TMEM59: variants seen among roughly 807,000 people sequenced by gnomAD.
TMEM59 encodes the protein transmembrane protein 59.
In TMEM59, 44 loss-of-function variants were observed where a neutral mutation model predicts 42.2. The observed-to-expected ratio is 1.04, with a 90% CI of 0.82 to 1.34. The LOEUF is 1.34. Among genes scored for constraint, TMEM59 ranks in the 40% most tolerant of loss-of-function variants. TMEM59 has a pLI of 0.00. For missense variants in TMEM59, 359 were observed against 382.8 expected, an observed-to-expected ratio of 0.94 and a Z score of 0.52; for synonymous variants, 148 against 145.8, an observed-to-expected ratio of 1.02 and a Z score of -0.11.
rs1656705730 is a variant in TMEM59 at position 54,029,703 on chromosome 1, G to A, written c.*2447C>T. 1 of 152,058 alleles carries A rather than the reference G, an allele frequency of 6.6e-6. No individual in the cohort carries two copies. The highest frequency in any genetic ancestry group is 1.5e-5 in the Non-Finnish European group (1 of 68,030). 9.4% of individuals were successfully genotyped at this position (152,058 alleles called of 1,614,324 possible). A position where few individuals can be genotyped will look rare whatever the true frequency, so the allele number is the denominator to read the frequency against. ...ATATTTCTTCTCAAAAGTAGATTCTGTGCTTCAGAATTTAATTACCACAAG... is the reference window on the plus strand; with the variant it reads ...ATATTTCTTCTCAAAAGTAGATTCTATGCTTCAGAATTTAATTACCACAAG... On this transcript the variant is annotated 3_prime_UTR_variant, in exon 8 of 8. Transcript: ENST00000234831.
chr1:54,034,173 AC>A (rs1656867970), intron 7 of TMEM59: 1 of 151,764 alleles, frequency 6.6e-6, no homozygotes, highest in Non-Finnish European at 1.5e-5. Flanking sequence ...AACATGATGA[AC>A]CTTGAAAATA....
At chr1:54,044,711 T>C (rs1404643149) in intron 3 of TMEM59, 1 of 151,980 alleles carries the variant, frequency 6.6e-6, no homozygotes, top group Non-Finnish European at 1.5e-5. Flanking sequence ...ATTCTACAGG[T>C]ATACTCACAA....
At position 54,047,287 on chromosome 1, in the gene TMEM59, G is replaced by T; in HGVS notation, c.275C>A (p.Thr92Asn). ...FVDDGIDLNR[T>N]KLECESACTE... ...CTTACCAGATTCACATTCCAATTTA[G>T]TTCGATTTAAGTCAATTCCATCATC... is the stretch of plus-strand genomic sequence containing the variant. The change falls in exon 2 of 8, where the codon ACT (threonine) becomes AAT (asparagine). Residue 92 changes from threonine to asparagine, a missense_variant. Coordinates refer to ENST00000234831, the MANE Select transcript of TMEM59 (RefSeq NM_004872.5). 6.2e-7 allele frequency: 1 copy of T among 1,613,588 alleles called. No homozygotes were observed. Among genetic ancestry groups the T allele is most frequent in the South Asian group, 1.1e-5 (1 of 91,034 alleles).
chr1:54,045,888 G>A lies in TMEM59; in HGVS notation c.296-102C>T, dbSNP rs973118435. ...TTAAAAAAATTTTTATACTTAAAAA[G>A]GTTTCATCAATGTGAATTTCCAAAT... On this transcript the variant is annotated intron_variant, in intron 2 of 7. Coordinates refer to ENST00000234831, the MANE Select transcript of TMEM59 (RefSeq NM_004872.5). The A allele has an allele frequency of 3.9e-6, 4 of 1,024,052 alleles. No individual in the cohort carries two copies. The African/African-American group carries it at 6.5e-5, about 17-fold the overall frequency. 63.4% of individuals were successfully genotyped at this position (1,024,052 alleles called of 1,614,324 possible). A position where few individuals can be genotyped will look rare whatever the true frequency, so the allele number is the denominator to read the frequency against.
intron 2 of TMEM59, among the ~76,000 whole-genome samples, chr1:54,046,693 A>G (rs1393396906): frequency 6.6e-6 from 1 of 152,256 alleles, no homozygotes; most frequent in Non-Finnish European, 1.5e-5. Flanking sequence ...TAAACAGTGT[A>G]ACGAGTGGAG....
At chr1:54,043,667 G>C in intron 3 of TMEM59, 142 bp from the exon 4 acceptor site, 1 of 468,210 alleles carries the variant, frequency 2.1e-6, no homozygotes, top group Non-Finnish European at 3.2e-6. Flanking sequence ...TAGCATTAGA[G>C]TAAACTCTTA....
chr1:54,041,397 C>A (rs1657132011), intron 5 of TMEM59, among the ~76,000 whole-genome samples: 2 of 152,188 alleles, frequency 1.3e-5, no homozygotes, highest in South Asian at 2.1e-4. Context: ...TCAAAACATC[C>A]TTTGAAGCAA....
intron 4 of TMEM59, 38 bp downstream of exon 4, chr1:54,043,335 G>T (rs1657206278): frequency 6.8e-7 from 1 of 1,463,034 alleles, no homozygotes; most frequent in East Asian, 2.5e-5. Context: ...ATTTACTGTT[G>T]TTAGTATTTA....
chr1:54,047,169 AAC>A (rs1166787050), intron 2 of TMEM59, 96 bp downstream of exon 2: 27 of 962,396 alleles, frequency 2.8e-5, no homozygotes, highest in Non-Finnish European at 3.7e-5. Context: ...GACTAGTTTC[AAC>A]AGTGTGTTTT....
chr1:54,035,382 T>A (rs1008439930), intron 7 of TMEM59, among the ~76,000 whole-genome samples: 1 of 152,242 alleles, frequency 6.6e-6, no homozygotes, highest in Non-Finnish European at 1.5e-5. Flanking sequence ...TTGGATTAGA[T>A]GTTGACAGCC....
At chr1:54,038,662 ACAG>A (rs1657035882) in intron 6 of TMEM59, among the ~76,000 whole-genome samples, 1 of 152,222 alleles carries the variant, frequency 6.6e-6, no homozygotes, top group African/African-American at 2.4e-5. Context: ...GTAAATAGTT[ACAG>A]CAGAATAGGA....
rs1182479612 is a variant in TMEM59, at chr1:54,027,407, T to C, written c.*4743A>G. On this transcript the variant is annotated 3_prime_UTR_variant, in exon 8 of 8. Coordinates refer to ENST00000234831, the MANE Select transcript of TMEM59 (RefSeq NM_004872.5). The stretch of plus-strand genomic sequence containing the variant: ...GGGTCCACAGGCTTCACTGGATCAC[T>C]AAAAAGCTCAATGGCACAAAAAAGT... 6.6e-6 allele frequency: 1 copy of C among 151,934 alleles called. No homozygotes were observed. Among genetic ancestry groups the C allele is most frequent in the Non-Finnish European group, 1.5e-5 (1 of 68,028 alleles). 9.4% of individuals were successfully genotyped at this position (151,934 alleles called of 1,614,324 possible).
chr1:54,044,287 G>A (rs1403115564), intron 3 of TMEM59: 1 of 120,470 alleles, frequency 8.3e-6, no homozygotes, highest in African/African-American at 3.3e-5. Context: ...AGGTTGCCGT[G>A]AGCCAAGATC....
rs772822698 is a variant in TMEM59 at position 54,045,689 on chromosome 1, T to A, written c.390+3A>T. Reference sequence around the variant, plus strand: ...TAGTTTGAAAGGCAGTATTGTTTCGTACTTGTTCTTGTCTCAGTTCAGCGA... The same window carrying A: ...TAGTTTGAAAGGCAGTATTGTTTCGAACTTGTTCTTGTCTCAGTTCAGCGA... On this transcript the variant is annotated splice_donor_region_variant and intron_variant, in intron 3 of 7. Transcript: ENST00000234831. The A allele has an allele frequency of 3.7e-6, 6 of 1,614,000 alleles. No individual in the cohort carries two copies. The East Asian group carries it at 1.3e-4, about 36-fold the overall frequency.
rs931770412 is a variant in TMEM59 at position 54,029,253 on chromosome 1, T to A, written c.*2897A>T. ...GTAATTTCTGATTTACTACAAAACA[T>A]ATCACAAATGAAAGGTGCCCATGAA... On this transcript the variant is annotated 3_prime_UTR_variant, in exon 8 of 8. Coordinates refer to ENST00000234831, the MANE Select transcript of TMEM59 (RefSeq NM_004872.5). 3.3e-5 allele frequency: 5 copies of A among 152,150 alleles called. No individual in the cohort carries two copies. Among genetic ancestry groups the A allele is most frequent in the African/African-American group, 1.2e-4 (5 of 41,430 alleles). The allele number at this position is 152,150 out of a possible 1,614,324, so 9.4% of individuals were successfully genotyped here.
intron 2 of TMEM59, among the ~76,000 whole-genome samples, chr1:54,046,759 GTTTCT>G (rs1657352931): frequency 6.6e-6 from 1 of 152,146 alleles, no homozygotes; most frequent in Non-Finnish European, 1.5e-5. Flanking sequence ...CTGATTATAG[GTTTCT>G]TTTGTTAAAC....
At position 54,047,334 on chromosome 1, in the gene TMEM59, C is replaced by T. The variant is rs1268510073; in HGVS notation, c.228G>A (p.Leu76=). The T allele has an allele frequency of 6.2e-7, 1 of 1,613,880 alleles. No individual in the cohort carries two copies. Among genetic ancestry groups the T allele is most frequent in the Non-Finnish European group, 8.5e-7 (1 of 1,179,936 alleles). ...CATCCACAAACTGACAAATTGAAAA[C>T]AGCCTGCAACCTCTCTGACATGCGT... ...ELYACQRGCR[L]FSICQFVDDG... is the part of the protein sequence containing the mutation. Residue 76 remains leucine (L), a synonymous_variant, in exon 2 of 8, where the codon CTG becomes CTA. Coordinates refer to ENST00000234831, the MANE Select transcript of TMEM59 (RefSeq NM_004872.5).
chr1:54,052,925 G>A (rs1246153804), intron 1 of TMEM59, 75 bp downstream of exon 1: 1 of 1,510,414 alleles, frequency 6.6e-7, no homozygotes, highest in East Asian at 2.3e-5. Context: ...CAGGTTGCCA[G>A]AGCCGACATA....
At chr1:54,038,113 C>A (rs573820082) in intron 6 of TMEM59, among the ~76,000 whole-genome samples, 1 of 152,338 alleles carries the variant, frequency 6.6e-6, no homozygotes, top group South Asian at 2.1e-4. Context: ...CTATCCTTCA[C>A]ATAGAAGCCT....
Sources: gnomAD v4.1 joint callset for allele counts (sites outside exome capture counted in the v4.1 genomes callset) on GRCh38, gnomAD v4.1.1 for gene constraint, MANE v1.5 for transcripts, NCBI Gene and HGNC (gene_info 2026-07-23, HGNC 2026-07-21) for gene names.